PACS1: variants seen among roughly 807,000 people sequenced by gnomAD.
PACS1 encodes phosphofurin acidic cluster sorting protein 1, also known as PACS-1.
In PACS1, 24 loss-of-function variants were observed where a neutral mutation model predicts 115.0. The observed-to-expected ratio is 0.21, with a 90% CI of 0.15 to 0.29. The LOEUF (loss-of-function observed/expected upper bound fraction) is 0.29. Ranked by LOEUF, PACS1 falls within the 10% of genes least tolerant of loss-of-function variation. PACS1 has a pLI of 1.00. For missense variants in PACS1, 838 were observed against 1,251.2 expected, an observed-to-expected ratio of 0.67 and a Z score of 4.98; for synonymous variants, 453 against 504.5, an observed-to-expected ratio of 0.90 and a Z score of 1.37.
intron 1 of PACS1, among the ~76,000 whole-genome samples, chr11:66,140,629 TC>T (rs1188378109): frequency 6.6e-6 from 1 of 152,108 alleles, no homozygotes; most frequent in Non-Finnish European, 1.5e-5. Context: ...GCGAGTAGTG[TC>T]CTCCCCTTAA....
At chr11:66,085,597 A>C (rs1401552680) in intron 1 of PACS1, among the ~76,000 whole-genome samples, 2 of 152,202 alleles carry the variant, frequency 1.3e-5, no homozygotes, top group Non-Finnish European at 2.9e-5. Flanking sequence ...TGATGAAGTG[A>C]GTAGTATAAA....
intron 8 of PACS1, 73 bp downstream of exon 8, chr11:66,219,878 C>T (rs187320812): frequency 9.7e-7 from 1 of 1,028,970 alleles, no homozygotes; most frequent in Admixed American, 1.7e-5. Context: ...CTGGAGTACA[C>T]TCTGTATTGC....
rs143958153 is a variant in PACS1 at position 66,229,688 on chromosome 11, T to C, written c.1375-860T>C. Among the ~76,000 whole-genome samples, 750 of 151,490 alleles carry C rather than the reference T, an allele frequency of 5.0e-3. 7 individuals carry two copies. The highest frequency in any genetic ancestry group is 0.017 in the African/African-American group (704 of 41,262). ...AGCAAGACTCCGTCTCAAAAATAAA[T>C]AAATAAATAAAATAAGTAAATAAAA... On this transcript the variant is annotated intron_variant, in intron 11 of 23. Coordinates refer to ENST00000320580, the MANE Select transcript of PACS1 (RefSeq NM_018026.4).
At chr11:66,216,482 C>T (rs771149307) in intron 5 of PACS1, 38 bp from the exon 6 acceptor site, 22 of 1,565,540 alleles carry the variant, frequency 1.4e-5, no homozygotes, top group Non-Finnish European at 1.9e-5. Flanking sequence ...GCCAGATCTT[C>T]CCATTGCAAG....
intron 1 of PACS1, among the ~76,000 whole-genome samples, chr11:66,174,266 CAAT>C (rs1859802416): frequency 6.6e-6 from 1 of 152,052 alleles, no homozygotes; most frequent in African/African-American, 2.4e-5. Flanking sequence ...GAAAAGCAGA[CAAT>C]AATAAATGGT....
rs924999277 is a variant in PACS1, at chr11:66,243,949, C to G, written c.*669C>G. The G allele has an allele frequency of 3.9e-5, 6 of 152,352 alleles. No individual in the cohort carries two copies. Among genetic ancestry groups the G allele is most frequent in the African/African-American group, 1.2e-4 (5 of 41,452 alleles). 9.4% of individuals were successfully genotyped at this position (152,352 alleles called of 1,614,324 possible). A position where few individuals can be genotyped will look rare whatever the true frequency, so the allele number is the denominator to read the frequency against. ...CTAGGACAGAGGGGCCTCCCAGTCT[C>G]CCCCCACCACCCGTGCACGACTTCC... is the stretch of plus-strand genomic sequence containing the variant. On this transcript the variant is annotated 3_prime_UTR_variant, in exon 24 of 24. Coordinates refer to ENST00000320580, the MANE Select transcript of PACS1 (RefSeq NM_018026.4).
chr11:66,163,332 C>G (rs1859532545), intron 1 of PACS1, among the ~76,000 whole-genome samples: 1 of 129,390 alleles, frequency 7.7e-6, no homozygotes, highest in South Asian at 2.3e-4. Context: ...GCATGGGCGA[C>G]AGAGTGAGAC....
intron 13 of PACS1, 63 bp from the exon 14 acceptor site, chr11:66,232,109 C>A: frequency 1.0e-6 from 1 of 1,003,104 alleles, no homozygotes; most frequent in Non-Finnish European, 1.6e-6. Flanking sequence ...ACCAGTCCAG[C>A]AGCCCTGTCC....
chr11:66,168,821 A>G (rs10896089), intron 1 of PACS1, among the ~76,000 whole-genome samples: 31,624 of 148,792 alleles, frequency 0.21, 4,183 homozygotes, highest in Middle Eastern at 0.28. Context: ...TTACATTTTT[A>G]AATTCTTTGT....
intron 1 of PACS1, among the ~76,000 whole-genome samples, chr11:66,173,769 C>T (rs1008778536): frequency 2.0e-5 from 3 of 151,062 alleles, no homozygotes; most frequent in Non-Finnish European, 4.4e-5. Context: ...GCAAAAGATT[C>T]GGGCCAGGCG....
chr11:66,232,007 C>G (rs1855606390), intron 13 of PACS1, 165 bp from the exon 14 acceptor site: 1 of 580,064 alleles, frequency 1.7e-6, no homozygotes, highest in African/African-American at 1.9e-5. Context: ...TCCTCCTTTC[C>G]ATCGTGGTCT....
At chr11:66,142,769 A>AG (rs1554981678) in intron 1 of PACS1, among the ~76,000 whole-genome samples, 1 of 151,976 alleles carries the variant, frequency 6.6e-6, no homozygotes, top group African/African-American at 2.4e-5. Context: ...AGAAAAAAAA[A>AG]GAGGGAAGAA....
intron 1 of PACS1, among the ~76,000 whole-genome samples, chr11:66,109,498 C>T (rs76428043): frequency 6.6e-6 from 1 of 152,182 alleles, no homozygotes; most frequent in Non-Finnish European, 1.5e-5. Flanking sequence ...AGTCATGTCA[C>T]CATCATTATT....
chr11:66,201,918 G>A (rs567095817), intron 2 of PACS1, among the ~76,000 whole-genome samples: 4 of 152,006 alleles, frequency 2.6e-5, no homozygotes, highest in South Asian at 2.1e-4. Context: ...CTTGGCCTTC[G>A]GTGCTGGGAT....
intron 1 of PACS1, among the ~76,000 whole-genome samples, chr11:66,160,045 A>G (rs916058252): frequency 1.3e-5 from 2 of 152,210 alleles, no homozygotes; most frequent in African/African-American, 4.8e-5. Flanking sequence ...TTATAGTTTA[A>G]TTAAATAAGC....
chr11:66,105,453 TA>T (rs1229566100), intron 1 of PACS1, among the ~76,000 whole-genome samples: 1 of 152,102 alleles, frequency 6.6e-6, no homozygotes, highest in Non-Finnish European at 1.5e-5. Flanking sequence ...GTAATTATGA[TA>T]ACTATAGAAA....
At chr11:66,210,566 G>A in intron 3 of PACS1, 115 bp downstream of exon 3, 1 of 817,254 alleles carries the variant, frequency 1.2e-6, no homozygotes, top group South Asian at 1.5e-5. Context: ...ACTTGGGCAG[G>A]AATGAATAAA....
chr11:66,078,855 A>G (rs1857435679), intron 1 of PACS1, among the ~76,000 whole-genome samples: 1 of 152,342 alleles, frequency 6.6e-6, no homozygotes, highest in Middle Eastern at 3.4e-3. Context: ...CACCCAGGCT[A>G]GGCTGGTTAT....
intron 7 of PACS1, chr11:66,217,798 G>A: frequency 3.0e-6 from 1 of 331,880 alleles, no homozygotes; most frequent in Admixed American, 4.0e-5. Context: ...GGGAGTGGCT[G>A]TAGGATCTCT....
Sources: gnomAD v4.1 joint callset for allele counts (sites outside exome capture counted in the v4.1 genomes callset) on GRCh38, gnomAD v4.1.1 for gene constraint, MANE v1.5 for transcripts, NCBI Gene and HGNC (gene_info 2026-07-23, HGNC 2026-07-21) for gene names.